Variants in EIF2D observed in about 807,000 individuals in gnomAD.
EIF2D encodes the protein hepatocellular carcinoma-associated antigen 56.
In EIF2D, 56 loss-of-function variants were observed where a neutral mutation model predicts 77.4. That is an observed-to-expected ratio of 0.72 (90% CI 0.58 to 0.90). The LOEUF is 0.90. Ranked by LOEUF, EIF2D falls within the 40% of genes least tolerant of loss-of-function variation. EIF2D has a pLI of 0.00. For missense variants in EIF2D, 574 were observed against 706.5 expected (o/e 0.81, Z 2.13); for synonymous variants, 230 against 271.0 (o/e 0.85, Z 1.49).
chr1:206,607,163 A>T (rs2102302449), intron 4 of EIF2D, among the ~76,000 whole-genome samples: 1 of 152,344 alleles, frequency 6.6e-6, no homozygotes, highest in South Asian at 2.1e-4. Flanking sequence ...GTTAAAGTTA[A>T]ATGTGTATTG....
intron 2 of EIF2D, chr1:206,583,738 C>T (rs12724616): frequency 0.18 from 47,296 of 259,290 alleles, 4,715 homozygotes; most frequent in Middle Eastern, 0.32. Flanking sequence ...CCCCTTCCTA[C>T]CCCTTCGATT....
chr1:206,602,375 A>C lies in EIF2D; in HGVS notation c.863T>G (p.Leu288Arg). The change falls in exon 7 of 15, where the codon CTC becomes CGC. Residue 288 changes from leucine (L) to arginine (R), a missense_variant. By Grantham distance (102) the Leu-to-Arg change is moderately radical. Coordinates refer to ENST00000271764, the MANE Select transcript of EIF2D (RefSeq NM_006893.3). Reference protein sequence around the residue: ...CRVKKADLPLLTSTFLGSHMF... With the variant: ...CRVKKADLPLRTSTFLGSHMF... ...GTGGCTGCCAAGGAAAGTGCTGGTG[A>C]GTAAAGGGAGGTCAGCCTTTTTGAC... is the stretch of plus-strand genomic sequence containing the variant. 1.3e-5 allele frequency: 21 copies of C among 1,614,236 alleles called. No homozygotes were observed. The highest frequency in any genetic ancestry group is 1.8e-5 in the Non-Finnish European group (21 of 1,180,042).
At chr1:206,607,562 C>G (rs1553412954) in intron 4 of EIF2D, among the ~76,000 whole-genome samples, 2 of 152,118 alleles carry the variant, frequency 1.3e-5, no homozygotes, top group African/African-American at 2.4e-5. Context: ...AATCTGAGAC[C>G]AGCCTGAGCA....
intron 4 of EIF2D, among the ~76,000 whole-genome samples, chr1:206,578,152 G>T (rs1235417930): frequency 6.6e-6 from 1 of 152,042 alleles, no homozygotes; most frequent in Non-Finnish European, 1.5e-5. Context: ...CTTGAGCCTA[G>T]GAGGTCGAGG....
chr1:206,578,449 C>T (rs114312170), intron 4 of EIF2D, among the ~76,000 whole-genome samples: 1 of 151,978 alleles, frequency 6.6e-6, no homozygotes, highest in African/African-American at 2.4e-5. Context: ...GTGCACGGTA[C>T]ATATTAGCTG....
intron 4 of EIF2D, among the ~76,000 whole-genome samples, chr1:206,578,235 T>A (rs913251647): frequency 4.7e-5 from 4 of 84,650 alleles, no homozygotes; most frequent in African/African-American, 1.5e-4. Flanking sequence ...AAAAAAAAAG[T>A]GTGTGTGTGT....
rs574772941 is a variant in EIF2D at position 206,598,486 on chromosome 1, G to A, written c.1292+517C>T. On this transcript the variant is annotated intron_variant, in intron 11 of 14. Transcript: ENST00000271764. The stretch of plus-strand genomic sequence containing the variant: ...TCTTTGAGAGCAGAGTAAGGTGACT[G>A]TAGTTAACAACAATGTATTGTGTAT... Among the ~76,000 whole-genome samples the A allele has an allele frequency of 3.9e-4, 59 of 152,290 alleles. 1 individual carries two copies. Among genetic ancestry groups the A allele is most frequent in the African/African-American group, 1.4e-3 (57 of 41,556 alleles).
rs1286099481 is a variant in EIF2D, at chr1:206,599,993, G to C, written c.949-157C>G. 2.0e-5 allele frequency among the ~76,000 whole-genome samples: 3 copies of C among 152,150 alleles called. No homozygotes were observed. The highest frequency in any genetic ancestry group is 7.2e-5 in the African/African-American group (3 of 41,422). ...GAACTGGGAGGCCCCCAACCTGAGG[G>C]CCAGGGAGCAAGAAGCTGCTAGAGA... On this transcript the variant is annotated intron_variant, in intron 8 of 14. Coordinates refer to ENST00000271764, the MANE Select transcript of EIF2D (RefSeq NM_006893.3). The surrounding 1 kb of genome is among the most constrained non-coding windows in gnomAD (Gnocchi z 4.1).
At chr1:206,609,530 C>T (rs1670369657) in intron 2 of EIF2D, 71 bp from the exon 3 acceptor site, 9 of 1,223,728 alleles carry the variant, frequency 7.4e-6, no homozygotes, top group African/African-American at 1.5e-5. Flanking sequence ...AAAAACCTAA[C>T]ACTATGGTCA....
At chr1:206,580,517 C>CACATCTGGTCCCATAG (rs1163138047) in intron 4 of EIF2D, among the ~76,000 whole-genome samples, 4 of 152,134 alleles carry the variant, frequency 2.6e-5, no homozygotes, top group Non-Finnish European at 4.4e-5. Context: ...CAGGGTCAGG[C>CACATCTGGTCCCATAG]ACATCTGGTC....
At position 206,584,949 on chromosome 1, in the gene EIF2D, C is replaced by T. The variant is rs1669050537; in HGVS notation, c.139-3787G>A. On this transcript the variant is annotated intron_variant and NMD_transcript_variant, in intron 2 of 5. Coordinates refer to the EIF2D transcript ENST00000472709. This position sits in a 1 kb window ranked among gnomAD's most constrained non-coding sequence, Gnocchi z 4.9. Reference sequence around the variant, plus strand: ...AATGGGAGGAATCTGCCCCACCATTCCTAATCTTTCAGGAGATGATGTGAA... The same window carrying T: ...AATGGGAGGAATCTGCCCCACCATTTCTAATCTTTCAGGAGATGATGTGAA... 1.6e-6 allele frequency: 1 copy of T among 606,392 alleles called. No individual in the cohort carries two copies. The allele number at this position is 606,392 out of a possible 1,614,324, so 37.6% of individuals were successfully genotyped here.
At chr1:206,610,898 C>A (rs782471426) in intron 2 of EIF2D, among the ~76,000 whole-genome samples, 34 of 152,166 alleles carry the variant, frequency 2.2e-4, no homozygotes, top group Admixed American at 6.5e-5. Context: ...AACTTCTCAG[C>A]CACTGTTCCT....
At chr1:206,591,940 C>G (rs1021833720) in intron 14 of EIF2D, 95 bp from the exon 15 acceptor site, 36 of 1,233,104 alleles carry the variant, frequency 2.9e-5, no homozygotes, top group South Asian at 1.8e-4. Context: ...TGTCATTCCA[C>G]CCAGCTCAAA....
At chr1:206,609,971 G>A (rs1670392697) in intron 2 of EIF2D, among the ~76,000 whole-genome samples, 1 of 152,128 alleles carries the variant, frequency 6.6e-6, no homozygotes, top group Admixed American at 6.6e-5. Flanking sequence ...AACCCTGGAG[G>A]ATGAAAAGCC....
intron 2 of EIF2D, chr1:206,583,517 G>T: frequency 1.5e-6 from 1 of 648,530 alleles, no homozygotes. Flanking sequence ...AGGCCTCCGG[G>T]GTCTGGAAGG....
At chr1:206,607,965 G>A (rs1240059217) in intron 4 of EIF2D, among the ~76,000 whole-genome samples, 2 of 151,104 alleles carry the variant, frequency 1.3e-5, no homozygotes, top group South Asian at 2.1e-4. Flanking sequence ...CAACTCTTCT[G>A]TAAATCTAAA....
In EIF2D at chr1:206,591,642, T is replaced by C; in HGVS notation, c.*133A>G. ...TGGAGGAAACAAGAGGGAAGTCAGA[T>C]TTAGATTAGAATAAAAATTTATTTT... On this transcript the variant is annotated 3_prime_UTR_variant, in exon 15 of 15. Coordinates refer to ENST00000271764, the MANE Select transcript of EIF2D (RefSeq NM_006893.3). The C allele has an allele frequency of 2.4e-6, 2 of 838,006 alleles. No individual in the cohort carries two copies. The highest frequency in any genetic ancestry group is 3.8e-6 in the Non-Finnish European group (2 of 530,990). 51.9% of individuals were successfully genotyped at this position (838,006 alleles called of 1,614,324 possible).
intron 6 of EIF2D, 83 bp downstream of exon 6, chr1:206,602,868 T>A: frequency 6.5e-7 from 1 of 1,546,492 alleles, no homozygotes. Flanking sequence ...TTAAGGGCCA[T>A]TCTAGTCAGC....
At chr1:206,588,713 A>G (rs1553408281), downstream of EIF2D, 3 of 152,568 alleles carry the variant, frequency 2.0e-5, no homozygotes, top group Non-Finnish European at 4.4e-5. Context: ...CAAGCTCGCA[A>G]CTCTAAGATT....
Sources: gnomAD v4.1 joint callset for allele counts (sites outside exome capture counted in the v4.1 genomes callset) on GRCh38, gnomAD v4.1.1 for gene constraint, Gnocchi (gnomAD v3.1) non-coding constraint, MANE v1.5 for transcripts, NCBI Gene and HGNC (gene_info 2026-07-23, HGNC 2026-07-21) for gene names.